PTPRJ: variants seen among roughly 807,000 people sequenced by gnomAD.
PTPRJ encodes protein tyrosine phosphatase receptor type J.
In PTPRJ, 129 loss-of-function variants were observed where a neutral mutation model predicts 141.3. The ratio of observed to expected loss-of-function variants is 0.91; its 90% CI spans 0.79 to 1.06. PTPRJ has a LOEUF of 1.06. PTPRJ is among the 50% of genes least tolerant of loss of function. PTPRJ has a pLI of 0.00. For synonymous variants in PTPRJ, 610 were observed against 640.5 expected, an observed-to-expected ratio of 0.95 and a Z score of 0.72; for missense variants, 1,601 against 1,679.7, an observed-to-expected ratio of 0.95 and a Z score of 0.82.
At chr11:48,147,083 C>T (rs1048826232) in intron 15 of PTPRJ, 120 bp downstream of exon 15, 8 of 861,750 alleles carry the variant, frequency 9.3e-6, no homozygotes, top group Admixed American at 7.5e-5. Flanking sequence ...TTCCCTTCAC[C>T]CATAGTGTTC....
chr11:47,982,200 T>G lies in PTPRJ; in HGVS notation c.96+1192T>G, dbSNP rs555153215. Among the ~76,000 whole-genome samples the G allele has an allele frequency of 2.4e-4, 36 of 152,322 alleles. No individual in the cohort carries two copies. The East Asian group carries it at 5.4e-3, about 23-fold the overall frequency. On this transcript the variant is annotated intron_variant, in intron 1 of 24. Transcript: ENST00000418331. ...TCTCCTCGCAGTTTCCCCAGCAGGTTCTGCACAGGCTCTCCTGGGGGCCAG... is the reference window on the plus strand; with the variant it reads ...TCTCCTCGCAGTTTCCCCAGCAGGTGCTGCACAGGCTCTCCTGGGGGCCAG...
At chr11:48,097,424 G>C (rs1180816888) in intron 1 of PTPRJ, among the ~76,000 whole-genome samples, 1 of 152,142 alleles carries the variant, frequency 6.6e-6, no homozygotes, top group African/African-American at 2.4e-5. Flanking sequence ...ATTTACATCT[G>C]TTGTTTTTTA....
At chr11:48,039,115 A>C (rs1442111839) in intron 1 of PTPRJ, among the ~76,000 whole-genome samples, 1 of 149,298 alleles carries the variant, frequency 6.7e-6, no homozygotes, top group Admixed American at 6.8e-5. Flanking sequence ...ATACCACTGC[A>C]CTCCAGCCTG....
chr11:48,029,519 CTT>C (rs933969824), intron 1 of PTPRJ, among the ~76,000 whole-genome samples: 17 of 152,270 alleles, frequency 1.1e-4, no homozygotes, highest in African/African-American at 4.1e-4. Flanking sequence ...ACCCGCATCT[CTT>C]ATATGTTACA....
chr11:48,041,090 T>C (rs1854263537), intron 1 of PTPRJ, among the ~76,000 whole-genome samples: 1 of 152,134 alleles, frequency 6.6e-6, no homozygotes, highest in Non-Finnish European at 1.5e-5. Flanking sequence ...CAGTCCACCC[T>C]GAGTACATCC....
At chr11:48,062,543 T>A (rs1344228847) in intron 1 of PTPRJ, among the ~76,000 whole-genome samples, 1 of 152,022 alleles carries the variant, frequency 6.6e-6, no homozygotes, top group Non-Finnish European at 1.5e-5. Flanking sequence ...CAGTGCTTGT[T>A]GTTCTTTTGT....
intron 4 of PTPRJ, 112 bp downstream of exon 4, chr11:48,121,378 G>C (rs1856704557): frequency 1.7e-6 from 2 of 1,204,010 alleles, no homozygotes; most frequent in South Asian, 1.5e-5. Flanking sequence ...TCATAAACTA[G>C]AAGAGGAGAA....
chr11:48,155,538 C>T (rs947753424), intron 19 of PTPRJ, among the ~76,000 whole-genome samples: 2 of 152,106 alleles, frequency 1.3e-5, no homozygotes, highest in African/African-American at 2.4e-5. Flanking sequence ...ATCTTGGGTC[C>T]TGGTGTCAGG....
At chr11:48,122,119 G>C (rs1856721381) in intron 4 of PTPRJ, among the ~76,000 whole-genome samples, 1 of 152,130 alleles carries the variant, frequency 6.6e-6, no homozygotes, top group Admixed American at 6.5e-5. Context: ...GGAGAGAAAA[G>C]AGCCAAAGAA....
intron 1 of PTPRJ, among the ~76,000 whole-genome samples, chr11:47,999,073 T>G (rs1270692015): frequency 6.6e-6 from 1 of 152,194 alleles, no homozygotes. Context: ...GAAAAGACCT[T>G]AGGGACATTA....
intron 10 of PTPRJ, among the ~76,000 whole-genome samples, chr11:48,138,481 G>A (rs1318308577): frequency 6.6e-6 from 1 of 152,142 alleles, no homozygotes; most frequent in African/African-American, 2.4e-5. Flanking sequence ...CCTTGGTAGA[G>A]CTTCTCCTGC....
chr11:48,055,406 G>T (rs548377479), intron 1 of PTPRJ, among the ~76,000 whole-genome samples: 1 of 152,118 alleles, frequency 6.6e-6, no homozygotes, highest in Non-Finnish European at 1.5e-5. Flanking sequence ...CAAATCTCCC[G>T]CCAGATCTCT....
intron 1 of PTPRJ, among the ~76,000 whole-genome samples, chr11:47,986,484 A>C (rs1242841142): frequency 6.6e-6 from 1 of 152,208 alleles, no homozygotes; most frequent in African/African-American, 2.4e-5. Flanking sequence ...ACTTGGAGAG[A>C]AGAAATGAGG....
chr11:48,131,717 C>A, intron 8 of PTPRJ: 1 of 504,764 alleles, frequency 2.0e-6, no homozygotes, highest in Non-Finnish European at 3.5e-6. Flanking sequence ...GCTTGTGAAG[C>A]CTGAGATATT....
chr11:48,035,204 G>C (rs1590423203), intron 1 of PTPRJ, among the ~76,000 whole-genome samples: 1 of 152,194 alleles, frequency 6.6e-6, no homozygotes, highest in Non-Finnish European at 1.5e-5. Context: ...GGGCCTGACT[G>C]TGAGGCCACA....
Position 47,993,057 on chromosome 11 carries a change from A to G in PTPRJ, c.96+12049A>G, listed in dbSNP as rs76792057. Among the ~76,000 whole-genome samples, 63 of 152,248 alleles carry G rather than the reference A, an allele frequency of 4.1e-4. No homozygotes were observed. In the East Asian group the frequency reaches 0.011, roughly 28 times the overall value. On this transcript the variant is annotated intron_variant, in intron 1 of 24. Coordinates refer to ENST00000418331, the MANE Select transcript of PTPRJ (RefSeq NM_002843.4). ...CCAATTATGCATTGTCAGTGTCTCTATGTGTAGCTGGAAACCATTCCTGCA... is the reference window on the plus strand; with the variant it reads ...CCAATTATGCATTGTCAGTGTCTCTGTGTGTAGCTGGAAACCATTCCTGCA...
At chr11:47,981,434 A>G (rs1330028425) in intron 1 of PTPRJ, among the ~76,000 whole-genome samples, 1 of 151,774 alleles carries the variant, frequency 6.6e-6, no homozygotes, top group African/African-American at 2.4e-5. Flanking sequence ...CAGACCTCCG[A>G]CCCGGCCTGC....
chr11:48,155,947 T>G (rs1250988924), intron 20 of PTPRJ, 38 bp from the exon 21 acceptor site: 1 of 1,603,480 alleles, frequency 6.2e-7, no homozygotes, highest in South Asian at 1.1e-5. Flanking sequence ...TTCTTTCTGT[T>G]TCTTTGAGGT....
rs1313316226 is a variant in PTPRJ, at chr11:47,984,471, T to C, written c.96+3463T>C. 2.0e-5 allele frequency among the ~76,000 whole-genome samples: 3 copies of C among 152,198 alleles called. No individual in the cohort carries two copies. The East Asian group carries it at 5.8e-4, about 29-fold the overall frequency. On this transcript the variant is annotated intron_variant, in intron 1 of 24. Coordinates refer to ENST00000418331, the MANE Select transcript of PTPRJ (RefSeq NM_002843.4). ...TATAATTAATAGGTAACATTATGCA[T>C]GACAGGCACTGTGTGCTAAGGGTTT...
Sources: gnomAD v4.1 joint callset for allele counts (sites outside exome capture counted in the v4.1 genomes callset) on GRCh38, gnomAD v4.1.1 for gene constraint, MANE v1.5 for transcripts, NCBI Gene and HGNC (gene_info 2026-07-23, HGNC 2026-07-21) for gene names.